Variants in PCDH15 observed in about 807,000 individuals in gnomAD.
PCDH15 encodes the protein protocadherin related 15, also known as protocadherin-15.
PCDH15 carries 129 observed loss-of-function variants against 178.5 expected under a neutral mutation model. The observed-to-expected ratio is 0.72, with a 90% CI of 0.63 to 0.84. The LOEUF is 0.84. Among genes scored for constraint, PCDH15 ranks in the 40% least tolerant of loss-of-function variants. The pLI, the probability that PCDH15 is intolerant of heterozygous loss-of-function variation, is 0.00. For missense variants in PCDH15, 2,230 were observed against 2,099.9 expected (o/e 1.06, Z -1.21); for synonymous variants, 800 against 732.0 (o/e 1.09, Z -1.50).
intron 30 of PCDH15, among the ~76,000 whole-genome samples, chr10:53,830,766 C>T (rs554138123): frequency 2.0e-5 from 3 of 152,282 alleles, no homozygotes; most frequent in Admixed American, 1.3e-4. Flanking sequence ...AAATAGTACA[C>T]TAAAAACTCT....
At chr10:54,683,946 A>G (rs1254593066) in intron 1 of PCDH15, among the ~76,000 whole-genome samples, 1 of 152,062 alleles carries the variant, frequency 6.6e-6, no homozygotes, top group Admixed American at 6.6e-5. Flanking sequence ...CACAAGACAG[A>G]AACTTTTCCA....
At chr10:54,601,429 G>T (rs535154573) in intron 2 of PCDH15, among the ~76,000 whole-genome samples, 1 of 151,732 alleles carries the variant, frequency 6.6e-6, no homozygotes, top group African/African-American at 2.4e-5. Context: ...CCAAAAAAAA[G>T]TATTTTAAAA....
intron 25 of PCDH15, among the ~76,000 whole-genome samples, chr10:53,918,713 A>AACACACACAC (rs5741702): frequency 3.4e-5 from 5 of 146,966 alleles, no homozygotes; most frequent in African/African-American, 5.0e-5. Context: ...CAAATACACA[A>AACACACACAC]ACACACACAC....
chr10:54,165,581 G>A (rs555062206), intron 13 of PCDH15, among the ~76,000 whole-genome samples: 2 of 152,266 alleles, frequency 1.3e-5, no homozygotes, highest in Admixed American at 1.3e-4. Context: ...GGAACCTTAA[G>A]TGCTCTAATG....
chr10:54,196,459 A>C (rs888171261), intron 10 of PCDH15, among the ~76,000 whole-genome samples: 19 of 152,220 alleles, frequency 1.2e-4, no homozygotes, highest in Admixed American at 1.2e-3. Flanking sequence ...TGTAATTTTT[A>C]TTGAATGCAG....
intron 2 of PCDH15, among the ~76,000 whole-genome samples, chr10:55,515,414 T>C (rs1302543093): frequency 6.6e-6 from 1 of 152,106 alleles, no homozygotes; most frequent in Non-Finnish European, 1.5e-5. Flanking sequence ...GAAAAAGACT[T>C]GTTGTAAAAG....
chr10:55,192,805 G>A (rs1839979307), intron 1 of PCDH15, among the ~76,000 whole-genome samples: 2 of 150,430 alleles, frequency 1.3e-5, no homozygotes, highest in African/African-American at 4.9e-5. Context: ...ATGCATACAT[G>A]TACATACATA....
intron 21 of PCDH15, among the ~76,000 whole-genome samples, chr10:53,990,687 G>A (rs1474094942): frequency 6.6e-6 from 1 of 151,938 alleles, no homozygotes; most frequent in Non-Finnish European, 1.5e-5. Flanking sequence ...GCGCCTCCTC[G>A]GACTCGGCGT....
At chr10:55,143,960 A>C (rs1838423856) in intron 2 of PCDH15, among the ~76,000 whole-genome samples, 1 of 152,006 alleles carries the variant, frequency 6.6e-6, no homozygotes, top group Non-Finnish European at 1.5e-5. Flanking sequence ...GAATTACTGA[A>C]ACAAATTTTC....
intron 23 of PCDH15, among the ~76,000 whole-genome samples, chr10:53,949,220 A>G (rs1368449643): frequency 6.6e-6 from 1 of 152,212 alleles, no homozygotes; most frequent in Non-Finnish European, 1.5e-5. Flanking sequence ...CATTTTGTCA[A>G]TAGTTAAATG....
chr10:55,050,505 A>G (rs1468470584), intron 2 of PCDH15, among the ~76,000 whole-genome samples: 2 of 152,074 alleles, frequency 1.3e-5, no homozygotes. Flanking sequence ...AGTACCTTGT[A>G]TATAAAATGT....
intron 18 of PCDH15, among the ~76,000 whole-genome samples, chr10:54,023,992 G>A (rs1911423): frequency 0.41 from 61,723 of 151,822 alleles, 14,077 homozygotes; most frequent in Middle Eastern, 0.64. Context: ...TAAAACTACA[G>A]TAACTGTAAT....
At chr10:54,760,553 G>A (rs74136273) in intron 1 of PCDH15, among the ~76,000 whole-genome samples, 7,550 of 152,070 alleles carry the variant, frequency 0.05, 646 homozygotes, top group African/African-American at 0.17. Flanking sequence ...TGCAATTCAC[G>A]AACTGCTGCC....
rs528549264 is a variant in PCDH15 at position 54,895,148 on chromosome 10, C to T, written c.-29+2302G>A. Among the ~76,000 whole-genome samples the T allele has an allele frequency of 1.1e-3, 165 of 152,226 alleles. 1 individual carries two copies. Among genetic ancestry groups the T allele is most frequent in the South Asian group, 2.5e-3 (12 of 4,824 alleles). ...AACAATAAAAATAACTACAGTGTAT[C>T]CTCATTTTACCCTGTTAAGAGTAGA... On this transcript the variant is annotated intron_variant, in intron 3 of 5. Coordinates refer to the PCDH15 transcript ENST00000458638.
chr10:55,185,101 G>A (rs1373354744), intron 1 of PCDH15, among the ~76,000 whole-genome samples: 1 of 151,752 alleles, frequency 6.6e-6, no homozygotes, highest in Non-Finnish European at 1.5e-5. Flanking sequence ...GAAGCACAGA[G>A]TCATAGTGAA....
intron 2 of PCDH15, among the ~76,000 whole-genome samples, chr10:55,434,693 C>T (rs1202890295): frequency 6.6e-6 from 1 of 151,604 alleles, no homozygotes; most frequent in African/African-American, 2.4e-5. Flanking sequence ...GCAACCTCTG[C>T]CTCCCGAGTT....
chr10:54,326,524 T>C (rs372271721), intron 7 of PCDH15, among the ~76,000 whole-genome samples: 1 of 152,288 alleles, frequency 6.6e-6, no homozygotes. Flanking sequence ...AGCATTAGTC[T>C]AAGTACTTTT....
intron 2 of PCDH15, among the ~76,000 whole-genome samples, chr10:55,540,461 G>A (rs1841732332): frequency 6.6e-6 from 1 of 151,982 alleles, no homozygotes; most frequent in African/African-American, 2.4e-5. Context: ...GCAGAGAGAA[G>A]AAGTTTGTGT....
At chr10:53,947,477 T>C (rs763947451) in intron 23 of PCDH15, among the ~76,000 whole-genome samples, 14 of 152,048 alleles carry the variant, frequency 9.2e-5, no homozygotes, top group Non-Finnish European at 1.6e-4. Context: ...GTTCAATATA[T>C]TTGCAAATCA....
Sources: allele counts gnomAD v4.1 joint callset (sites outside exome capture counted in the v4.1 genomes callset), GRCh38; gene constraint gnomAD v4.1.1; transcripts MANE v1.5; gene names NCBI Gene and HGNC (gene_info 2026-07-23, HGNC 2026-07-21).